LRMDA: variants seen among roughly 807,000 people sequenced by gnomAD.
The protein encoded by LRMDA is leucine rich melanocyte differentiation associated.
A neutral mutation model predicts 29.8 loss-of-function variants in LRMDA; 18 were observed. The observed-to-expected ratio is 0.60, with a 90% CI of 0.42 to 0.90. The LOEUF (loss-of-function observed/expected upper bound fraction) is 0.90, where lower values mean the gene tolerates loss of function less well. Among genes scored for constraint, LRMDA ranks in the 40% least tolerant of loss-of-function variants. The pLI, the probability that LRMDA is intolerant of heterozygous loss-of-function variation, is 0.00. For synonymous variants in LRMDA, 125 were observed against 109.4 expected (o/e 1.14, Z -0.89); for missense variants, 273 against 273.9 (o/e 1.00, Z 0.02).
intron 2 of LRMDA, among the ~76,000 whole-genome samples, chr10:75,706,623 G>C (rs537338389): frequency 6.6e-6 from 1 of 152,182 alleles, no homozygotes; most frequent in South Asian, 2.1e-4. Context: ...GCAATGAACA[G>C]AATGAGGATT....
chr10:76,201,045 A>G, intron 5 of LRMDA, among the ~76,000 whole-genome samples: 1 of 140,456 alleles, frequency 7.1e-6, no homozygotes. Flanking sequence ...ACGCTTAGTG[A>G]CCCCATATTA....
intron 5 of LRMDA, among the ~76,000 whole-genome samples, chr10:76,081,545 A>G (rs552162422): frequency 6.6e-6 from 1 of 152,288 alleles, no homozygotes; most frequent in East Asian, 1.9e-4. Context: ...AGGATGACAT[A>G]TGTTTTACGT....
chr10:76,077,322 T>G lies in LRMDA; in HGVS notation c.516+18539T>G, dbSNP rs76692310. 7.8e-3 allele frequency among the ~76,000 whole-genome samples: 1,188 copies of G among 152,270 alleles called. 5 individuals are homozygous for G. Among genetic ancestry groups the G allele is most frequent in the Middle Eastern group, 0.02 (6 of 294 alleles). ...GCTTCACTTTTATTCAAAACAAGCT[T>G]TCTAGAGGGCTGAAATTTTGGATGC... On this transcript the variant is annotated intron_variant, in intron 5 of 6. Coordinates refer to ENST00000611255, the MANE Select transcript of LRMDA (RefSeq NM_001305581.2).
At chr10:75,500,604 G>T (rs1172749488) in intron 2 of LRMDA, among the ~76,000 whole-genome samples, 3 of 152,198 alleles carry the variant, frequency 2.0e-5, no homozygotes, top group African/African-American at 7.2e-5. Flanking sequence ...CTGAGACTGG[G>T]TAATTTATAA....
chr10:76,554,263 T>C (rs1843528193), intron 6 of LRMDA, among the ~76,000 whole-genome samples: 1 of 152,186 alleles, frequency 6.6e-6, no homozygotes, highest in South Asian at 2.1e-4. Flanking sequence ...ATGGCGCTGG[T>C]ATCTCTGTCA....
chr10:76,208,424 G>C (rs1360125099), intron 5 of LRMDA, among the ~76,000 whole-genome samples: 1 of 152,124 alleles, frequency 6.6e-6, no homozygotes, highest in Non-Finnish European at 1.5e-5. Context: ...GAGTATTTTG[G>C]GATAAAAACT....
chr10:76,006,427 G>C (rs757108028), intron 2 of LRMDA, among the ~76,000 whole-genome samples: 3 of 152,146 alleles, frequency 2.0e-5, no homozygotes, highest in Non-Finnish European at 2.9e-5. Context: ...AGTGTAGGGG[G>C]CTCTTGGAAA....
In LRMDA at chr10:76,292,721, T is replaced by C. The variant is rs1840357018; in HGVS notation, c.517-31680T>C. Among the ~76,000 whole-genome samples, 4 of 151,854 alleles carry C rather than the reference T, an allele frequency of 2.6e-5. No homozygotes were observed. The South Asian group carries it at 8.3e-4, about 32-fold the overall frequency. On this transcript the variant is annotated intron_variant, in intron 5 of 6. Coordinates refer to ENST00000611255, the MANE Select transcript of LRMDA (RefSeq NM_001305581.2). The stretch of plus-strand genomic sequence containing the variant: ...GCTTGTGTCGCTCCTGCATTCTAGA[T>C]AGATTGGGCTGATGTTACACAGGCC...
intron 2 of LRMDA, among the ~76,000 whole-genome samples, chr10:75,578,215 CAAAAAAAAAAAA>C (rs1183989010): frequency 0.029 from 414 of 14,262 alleles, 26 homozygotes; most frequent in Middle Eastern, 0.5. Flanking sequence ...AAATGGAAAG[CAAAAAAAAAAAA>C]AAAAAAAAAA....
chr10:76,297,292 G>T (rs1463578370), intron 5 of LRMDA, among the ~76,000 whole-genome samples: 1 of 152,188 alleles, frequency 6.6e-6, no homozygotes, highest in Non-Finnish European at 1.5e-5. Context: ...ATATGGCTTG[G>T]GCAGCCCCAC....
chr10:76,316,109 C>A lies in LRMDA; in HGVS notation c.517-8292C>A, dbSNP rs141759358. Among the ~76,000 whole-genome samples the A allele has an allele frequency of 2.0e-5, 3 of 152,180 alleles. No homozygotes were observed. The East Asian group carries it at 5.8e-4, about 29-fold the overall frequency. On this transcript the variant is annotated intron_variant, in intron 5 of 6. Transcript: ENST00000611255. Reference sequence around the variant, plus strand: ...ATTTAACACAAACAGGGCTGAAACACGCCTCTCCGCCTAACACGTTGCAGG... The same window carrying A: ...ATTTAACACAAACAGGGCTGAAACAAGCCTCTCCGCCTAACACGTTGCAGG...
rs536249959 is a variant in LRMDA, at chr10:75,662,622, G to C, written c.131+224128G>C. ...ACATTAAAAATTACTTGTTCATGAA[G>C]TTAAAAAAGCGCAATTACCCTGAAT... On this transcript the variant is annotated intron_variant, in intron 2 of 6. Transcript: ENST00000611255. Among the ~76,000 whole-genome samples the C allele has an allele frequency of 1.4e-4, 22 of 152,278 alleles. No individual in the cohort carries two copies. The South Asian group carries it at 4.6e-3, about 32-fold the overall frequency.
intron 6 of LRMDA, among the ~76,000 whole-genome samples, chr10:76,414,311 C>T (rs1841992596): frequency 6.6e-6 from 1 of 152,140 alleles, no homozygotes; most frequent in Non-Finnish European, 1.5e-5. Context: ...TTAGGACTTA[C>T]AGAGCCACAA....
intron 5 of LRMDA, among the ~76,000 whole-genome samples, chr10:76,149,277 G>C (rs1233654729): frequency 2.6e-5 from 4 of 152,216 alleles, no homozygotes; most frequent in Admixed American, 1.3e-4. Flanking sequence ...GAGTGATTAG[G>C]ATGTGCTGTG....
chr10:75,877,336 C>T (rs962430257), intron 2 of LRMDA, among the ~76,000 whole-genome samples: 2 of 152,324 alleles, frequency 1.3e-5, no homozygotes, highest in East Asian at 3.9e-4. Flanking sequence ...TGCCTTCCAG[C>T]AGTGATTTAA....
intron 2 of LRMDA, among the ~76,000 whole-genome samples, chr10:75,744,625 G>A (rs1328168263): frequency 1.3e-5 from 2 of 152,188 alleles, no homozygotes; most frequent in South Asian, 2.1e-4. Flanking sequence ...GAGACAGAAG[G>A]AGGGGACTTA....
At chr10:76,048,653 G>C (rs1336627522) in intron 4 of LRMDA, among the ~76,000 whole-genome samples, 1 of 152,182 alleles carries the variant, frequency 6.6e-6, no homozygotes, top group Admixed American at 6.5e-5. Context: ...TTCTGATGCA[G>C]TTGGTGGCAA....
chr10:75,579,590 A>G (rs1297921369), intron 2 of LRMDA, among the ~76,000 whole-genome samples: 2 of 152,250 alleles, frequency 1.3e-5, no homozygotes, highest in African/African-American at 2.4e-5. Context: ...CATCATCCTC[A>G]TACCAAAACC....
chr10:75,489,730 C>T (rs775338694), intron 2 of LRMDA, among the ~76,000 whole-genome samples: 11 of 152,058 alleles, frequency 7.2e-5, no homozygotes, highest in Non-Finnish European at 1.2e-4. Flanking sequence ...GTAGTTTGTG[C>T]TTGAGGGGGC....
Sources: allele counts gnomAD v4.1 joint callset (sites outside exome capture counted in the v4.1 genomes callset), GRCh38; gene constraint gnomAD v4.1.1; transcripts MANE v1.5; gene names NCBI Gene and HGNC (gene_info 2026-07-23, HGNC 2026-07-21).